KIF6: variants seen among roughly 807,000 people sequenced by gnomAD.
The protein encoded by KIF6 is kinesin family member 6.
KIF6 carries 106 observed loss-of-function variants against 112.7 expected under a neutral mutation model. The observed-to-expected ratio is 0.94, with a 90% confidence interval of 0.80 to 1.11. The LOEUF is 1.11. Among genes scored for constraint, KIF6 ranks in the 50% least tolerant of loss-of-function variants. The probability of loss-of-function intolerance (pLI) is 0.00; values close to 1 mark genes in which losing one functional copy is unlikely to be tolerated. For missense variants in KIF6, 929 were observed against 964.0 expected, an observed-to-expected ratio of 0.96 and a Z score of 0.48; for synonymous variants, 339 against 339.9, an observed-to-expected ratio of 1.00 and a Z score of 0.03.
At chr6:39,602,154 T>C (rs1009391687) in intron 6 of KIF6, among the ~76,000 whole-genome samples, 2 of 152,182 alleles carry the variant, frequency 1.3e-5, no homozygotes, top group Non-Finnish European at 2.9e-5. Flanking sequence ...GACCATTATT[T>C]AATAATCCTT....
At chr6:39,392,142 T>A (rs945389005) in intron 15 of KIF6, among the ~76,000 whole-genome samples, 11 of 152,232 alleles carry the variant, frequency 7.2e-5, no homozygotes, top group African/African-American at 2.7e-4. Flanking sequence ...GAAAGTAATA[T>A]TGTGCTATAG....
rs560986888 is a variant in KIF6, at chr6:39,705,205, G to A, written c.251+9487C>T. On this transcript the variant is annotated intron_variant, in intron 3 of 22. Transcript: ENST00000287152. Reference sequence around the variant, plus strand: ...AGTGTGCATCAGAATCACCTGGAGGGCTTGTTAAACTACAGATAGTTCTGA... The same window carrying A: ...AGTGTGCATCAGAATCACCTGGAGGACTTGTTAAACTACAGATAGTTCTGA... 2.1e-3 allele frequency among the ~76,000 whole-genome samples: 318 copies of A among 152,292 alleles called. 2 individuals are homozygous for A. The highest frequency in any genetic ancestry group is 6.8e-3 in the Middle Eastern group (2 of 294).
intron 7 of KIF6, among the ~76,000 whole-genome samples, chr6:39,592,412 T>C (rs762050674): frequency 1.3e-5 from 2 of 152,242 alleles, no homozygotes; most frequent in African/African-American, 2.4e-5. Context: ...ACTGACACCA[T>C]TACTTTTTCT....
At chr6:39,375,914 T>G (rs1485082607) in intron 16 of KIF6, among the ~76,000 whole-genome samples, 1 of 152,240 alleles carries the variant, frequency 6.6e-6, no homozygotes, top group African/African-American at 2.4e-5. Context: ...AGAGTCTTCC[T>G]CTGCCCTCCA....
At chr6:39,723,791 GT>G (rs752415754) in intron 1 of KIF6, among the ~76,000 whole-genome samples, 18 of 152,150 alleles carry the variant, frequency 1.2e-4, no homozygotes, top group Non-Finnish European at 1.9e-4. Flanking sequence ...AATACCTAAT[GT>G]AGATGACAGA....
At chr6:39,708,893 TA>T (rs556284770) in intron 3 of KIF6, among the ~76,000 whole-genome samples, 1,635 of 136,194 alleles carry the variant, frequency 0.012, 33 homozygotes, top group African/African-American at 0.039. Context: ...CAACACTAGA[TA>T]AAAAAAAAAA....
intron 13 of KIF6, among the ~76,000 whole-genome samples, chr6:39,479,264 A>T (rs1774643053): frequency 6.6e-6 from 1 of 152,008 alleles, no homozygotes. Flanking sequence ...ATCTGTCTTG[A>T]GCTGATTTTT....
At chr6:39,594,777 G>A (rs1237413194) in intron 7 of KIF6, among the ~76,000 whole-genome samples, 1 of 152,132 alleles carries the variant, frequency 6.6e-6, no homozygotes, top group Non-Finnish European at 1.5e-5. Flanking sequence ...TTGTTAACAA[G>A]TCCTTCTGCC....
chr6:39,346,443 C>T (rs1763811790), intron 20 of KIF6, 33 bp downstream of exon 20: 5 of 717,004 alleles, frequency 7.0e-6, no homozygotes, highest in African/African-American at 5.2e-5. Context: ...GTCGAGAAGA[C>T]AGCTGTCTAT....
rs971860140 is a variant in KIF6 at position 39,725,279 on chromosome 6, C to A, written c.32G>T (p.Arg11Met). 1.2e-6 allele frequency: 2 copies of A among 1,611,176 alleles called. No homozygotes were observed. Reference sequence around the variant, plus strand: ...GTGCTTCCGGACAGGGGGCTTCACCCTCGCGAATATCTGGATAGTCTGCTT... The same window carrying A: ...GTGCTTCCGGACAGGGGGCTTCACCATCGCGAATATCTGGATAGTCTGCTT... Reference protein sequence around the residue: MVKQTIQIFARVKPPVRKHQQ... With the variant: MVKQTIQIFAMVKPPVRKHQQ... The change falls in exon 1 of 23, where the codon AGG becomes ATG. Residue 11 changes from arginine to methionine, a missense_variant. This residue lies in a region of KIF6 where 688 missense variants were observed against 662.7 expected (regional missense o/e 1.04). Coordinates refer to ENST00000287152, the MANE Select transcript of KIF6 (RefSeq NM_145027.6).
At chr6:39,538,431 G>A (rs1326333196) in intron 13 of KIF6, among the ~76,000 whole-genome samples, 1 of 151,842 alleles carries the variant, frequency 6.6e-6, no homozygotes, top group African/African-American at 2.4e-5. Flanking sequence ...CTTCTCAAAA[G>A]AAGACATTTA....
At chr6:39,397,670 A>G (rs1047068748) in intron 15 of KIF6, among the ~76,000 whole-genome samples, 34 of 152,196 alleles carry the variant, frequency 2.2e-4, no homozygotes, top group African/African-American at 8.2e-4. Flanking sequence ...AGTTAGGACT[A>G]GAAAAAAGAG....
intron 15 of KIF6, among the ~76,000 whole-genome samples, chr6:39,406,812 A>C (rs1769119551): frequency 6.6e-6 from 1 of 152,216 alleles, no homozygotes; most frequent in African/African-American, 2.4e-5. Flanking sequence ...GCAGTGGCAC[A>C]ATCATAGCTC....
At chr6:39,593,795 A>G (rs1782085068) in intron 7 of KIF6, among the ~76,000 whole-genome samples, 1 of 152,092 alleles carries the variant, frequency 6.6e-6, no homozygotes, top group African/African-American at 2.4e-5. Flanking sequence ...GCGTGGTATC[A>G]GGCCCTAAGA....
chr6:39,409,345 A>G (rs1460029520), intron 15 of KIF6, among the ~76,000 whole-genome samples: 1 of 152,192 alleles, frequency 6.6e-6, no homozygotes, highest in Non-Finnish European at 1.5e-5. Context: ...GGTAGCTGCC[A>G]GGGTCCTGCT....
At chr6:39,425,712 T>A in intron 14 of KIF6, among the ~76,000 whole-genome samples, 1 of 150,880 alleles carries the variant, frequency 6.6e-6, no homozygotes. Flanking sequence ...GCTTTTAAAA[T>A]TGTGGAGAGG....
intron 13 of KIF6, among the ~76,000 whole-genome samples, chr6:39,522,318 T>TAAGGGTGCCCTGTGTATATTGGATCA: frequency 6.6e-6 from 1 of 152,328 alleles, no homozygotes; most frequent in African/African-American, 2.4e-5. Context: ...TGATGTAACT[T>TAAGGGTGCCCTGTGTATATTGGATCA]AAGGGTGCCC....
intron 16 of KIF6, among the ~76,000 whole-genome samples, chr6:39,385,334 T>A (rs7774367): frequency 6.6e-6 from 1 of 151,420 alleles, no homozygotes; most frequent in African/African-American, 2.4e-5. Flanking sequence ...TGGGACACAG[T>A]GGGTGAATTT....
At chr6:39,432,620 C>G (rs144334986) in intron 13 of KIF6, among the ~76,000 whole-genome samples, 160 of 152,302 alleles carry the variant, frequency 1.1e-3, no homozygotes, top group African/African-American at 1.9e-3. Context: ...CCACATCTGC[C>G]TTGCACACTC....
Sources: gnomAD v4.1 joint callset for allele counts (sites outside exome capture counted in the v4.1 genomes callset) on GRCh38, gnomAD v4.1.1 for gene constraint, gnomAD v4.1.1 regional missense constraint, MANE v1.5 for transcripts, NCBI Gene and HGNC (gene_info 2026-07-23, HGNC 2026-07-21) for gene names.